The following LINGO2 variants were observed in gnomAD, a reference collection of about 807,000 sequenced individuals.
LINGO2 encodes the protein leucine-rich repeat and immunoglobulin-like domain-containing nogo receptor-interacting protein 2.
Under a neutral mutation model 30.6 loss-of-function variants are expected in LINGO2, and 14 were observed. The observed-to-expected ratio is 0.46, with a 90% CI of 0.30 to 0.72. LINGO2 has a LOEUF of 0.72. LINGO2 is among the 30% of genes least tolerant of loss of function. The pLI, the probability that LINGO2 is intolerant of heterozygous loss-of-function variation, is 0.07. For synonymous variants in LINGO2, 317 were observed against 288.5 expected (o/e 1.10, Z -1.00); for missense variants, 729 against 751.7 (o/e 0.97, Z 0.35).
At chr9:28,093,332 G>A (rs562126457) in intron 4 of LINGO2, among the ~76,000 whole-genome samples, 2 of 152,180 alleles carry the variant, frequency 1.3e-5, no homozygotes, top group East Asian at 3.9e-4. Flanking sequence ...GGCAATCTCT[G>A]ACAAGGAGCA....
chr9:29,108,730 G>T, the LINGO2 span, among the ~76,000 whole-genome samples: 2 of 152,174 alleles, frequency 1.3e-5, no homozygotes, highest in South Asian at 4.1e-4. Context: ...ATAATGCAGA[G>T]TTAATTACAT....
chr9:28,206,440 A>G (rs1419745075), intron 4 of LINGO2, among the ~76,000 whole-genome samples: 1 of 152,152 alleles, frequency 6.6e-6, no homozygotes, highest in Non-Finnish European at 1.5e-5. Context: ...TTGTGATAAA[A>G]TGTCTGTCAC....
chr9:28,859,409 G>A, the LINGO2 span, among the ~76,000 whole-genome samples: 1 of 152,028 alleles, frequency 6.6e-6, no homozygotes, highest in Admixed American at 6.6e-5. Context: ...TTCAGAATCT[G>A]AGTAATTCAA....
intron 4 of LINGO2, among the ~76,000 whole-genome samples, chr9:28,237,568 C>A (rs943573193): frequency 6.6e-6 from 1 of 151,990 alleles, no homozygotes; most frequent in Non-Finnish European, 1.5e-5. Context: ...ACTCTTCACT[C>A]GCCAGGTGCG....
chr9:28,744,299 C>G, the LINGO2 span, among the ~76,000 whole-genome samples: 2 of 151,856 alleles, frequency 1.3e-5, no homozygotes, highest in Admixed American at 1.3e-4. Context: ...CTTATAATAG[C>G]CAATTGAAGT....
chr9:28,123,908 C>A (rs1226101868), intron 4 of LINGO2, among the ~76,000 whole-genome samples: 1 of 152,134 alleles, frequency 6.6e-6, no homozygotes, highest in Non-Finnish European at 1.5e-5. Flanking sequence ...CCTCATGATC[C>A]ACTCACCTTG....
intron 4 of LINGO2, among the ~76,000 whole-genome samples, chr9:28,140,268 C>T (rs1387639022): frequency 1.3e-5 from 2 of 152,162 alleles, no homozygotes; most frequent in African/African-American, 2.4e-5. Flanking sequence ...AAACATCTTT[C>T]CCCCCAAATT....
At chr9:28,374,228 A>ATATATATATATG (rs1554713032) in intron 2 of LINGO2, among the ~76,000 whole-genome samples, 3 of 146,982 alleles carry the variant, frequency 2.0e-5, no homozygotes, top group East Asian at 2.0e-4. Context: ...ATATATATAT[A>ATATATATATATG]TATGTAATAT....
intron 4 of LINGO2, among the ~76,000 whole-genome samples, chr9:28,224,072 T>A (rs2133907330): frequency 6.6e-6 from 1 of 151,902 alleles, no homozygotes; most frequent in East Asian, 1.9e-4. Flanking sequence ...AAGGCAGAAT[T>A]TTTTTTTTCT....
At chr9:28,548,847 T>C (rs1048396902) in intron 1 of LINGO2, among the ~76,000 whole-genome samples, 1 of 151,822 alleles carries the variant, frequency 6.6e-6, no homozygotes, top group African/African-American at 2.4e-5. Context: ...GTTTAACAAC[T>C]TCACCCAAGG....
chr9:28,478,229 A>G (rs1253260887), intron 1 of LINGO2, among the ~76,000 whole-genome samples: 2 of 152,202 alleles, frequency 1.3e-5, no homozygotes, highest in African/African-American at 4.8e-5. Context: ...TTTTATTTAT[A>G]CCAAACAACA....
chr9:28,559,456 C>T (rs1487466992), intron 1 of LINGO2, among the ~76,000 whole-genome samples: 4 of 152,096 alleles, frequency 2.6e-5, no homozygotes, highest in Non-Finnish European at 2.9e-5. Context: ...TAGGTCATTG[C>T]ACATGCATTT....
chr9:28,259,675 A>G (rs1316187831), intron 4 of LINGO2, among the ~76,000 whole-genome samples: 1 of 151,970 alleles, frequency 6.6e-6, no homozygotes, highest in Admixed American at 6.6e-5. Context: ...GGAGACCAGT[A>G]GAGGTACACT....
intron 4 of LINGO2, among the ~76,000 whole-genome samples, chr9:28,145,795 T>C (rs1265820453): frequency 6.6e-6 from 1 of 152,218 alleles, no homozygotes; most frequent in East Asian, 1.9e-4. Context: ...GTCTTCTTTT[T>C]TTCTTTCACA....
chr9:28,962,979 C>T, the LINGO2 span, among the ~76,000 whole-genome samples: 1 of 151,886 alleles, frequency 6.6e-6, no homozygotes, highest in Non-Finnish European at 1.5e-5. Context: ...GGTTTACTTT[C>T]TATATTTCAT....
the LINGO2 span, among the ~76,000 whole-genome samples, chr9:28,772,311 G>A: frequency 2.6e-5 from 4 of 152,166 alleles, no homozygotes; most frequent in Non-Finnish European, 4.4e-5. Flanking sequence ...AAAAATATAT[G>A]GCTCTGGAGG....
intron 4 of LINGO2, among the ~76,000 whole-genome samples, chr9:28,038,025 G>A (rs1824019672): frequency 6.6e-6 from 1 of 152,210 alleles, no homozygotes; most frequent in East Asian, 1.9e-4. Context: ...AGATGAAACA[G>A]TGGTAGTGAG....
At chr9:28,392,739 A>T (rs1230225378) in intron 2 of LINGO2, among the ~76,000 whole-genome samples, 1 of 152,054 alleles carries the variant, frequency 6.6e-6, no homozygotes, top group African/African-American at 2.4e-5. Context: ...CCCAGCTATA[A>T]ATCACCTTAT....
the LINGO2 span, among the ~76,000 whole-genome samples, chr9:28,936,202 T>A: frequency 6.6e-6 from 1 of 152,182 alleles, no homozygotes; most frequent in Non-Finnish European, 1.5e-5. Context: ...CTGAAAAGAA[T>A]GCTATTCAAG....
Sources: gnomAD v4.1 joint callset for allele counts (sites outside exome capture counted in the v4.1 genomes callset) on GRCh38, gnomAD v4.1.1 for gene constraint, MANE v1.5 for transcripts, NCBI Gene and HGNC (gene_info 2026-07-23, HGNC 2026-07-21) for gene names.